The following KLHL13 variants were observed in gnomAD, a reference collection of about 807,000 sequenced individuals.
KLHL13 encodes the protein kelch-like protein 13.
KLHL13 carries 10 observed loss-of-function variants against 37.1 expected under a neutral mutation model. The observed-to-expected ratio is 0.27, with a 90% CI of 0.17 to 0.46. The LOEUF is 0.46. KLHL13 is among the 20% of genes least tolerant of loss of function. The pLI is 1.00. For missense variants in KLHL13, 360 were observed against 509.3 expected, an observed-to-expected ratio of 0.71 and a Z score of 2.82; for synonymous variants, 163 against 181.2, an observed-to-expected ratio of 0.90 and a Z score of 0.81.
intron 1 of KLHL13, among the ~76,000 whole-genome samples, chrX:117,997,595 T>C (rs2053869253): frequency 8.9e-6 from 1 of 112,374 alleles, no homozygotes; most frequent in Non-Finnish European, 1.9e-5. Flanking sequence ...TGAGAATATA[T>C]GTAAAGTACG....
intron 1 of KLHL13, among the ~76,000 whole-genome samples, chrX:118,078,015 C>G (rs1165248257): frequency 8.9e-6 from 1 of 112,135 alleles, no homozygotes; most frequent in Non-Finnish European, 1.9e-5. Flanking sequence ...GAGCAAAGCT[C>G]TTACTCTTTC....
At chrX:117,903,176 G>C (rs1356602189) in intron 5 of KLHL13, among the ~76,000 whole-genome samples, 6 of 96,595 alleles carry the variant, frequency 6.2e-5, no homozygotes, top group Non-Finnish European at 1.0e-4. Context: ...AGAGAGAGGA[G>C]AGCGAGAGAG....
chrX:117,968,396 G>A (rs1259465143), intron 1 of KLHL13, among the ~76,000 whole-genome samples: 1 of 111,391 alleles, frequency 9.0e-6, no homozygotes, highest in Non-Finnish European at 1.9e-5. Context: ...CTTTCTAAAT[G>A]ACTTTTAAGG....
At chrX:117,960,770 T>C (rs1257991658) in intron 1 of KLHL13, among the ~76,000 whole-genome samples, 5 of 112,046 alleles carry the variant, frequency 4.5e-5, no homozygotes, top group Non-Finnish European at 3.8e-5. Context: ...CTTTGAAATT[T>C]TTTTCAATGC....
At chrX:118,106,676 T>C (rs1364410204) in intron 1 of KLHL13, among the ~76,000 whole-genome samples, 5 of 111,687 alleles carry the variant, frequency 4.5e-5, no homozygotes, top group African/African-American at 1.6e-4. Flanking sequence ...ACCTGTGGCA[T>C]TTCATCACCA....
rs773248392 is a variant in KLHL13 at position 117,972,844 on chromosome X, CTACAATAACAG to C, written c.-27_-17del. The stretch of plus-strand genomic sequence containing the variant: ...TCAATGGCATGTTGTCACCACGGTA[CTACAATAACAG>C]TAAAGAGCGTTTCCATAACAGACTA... On this transcript the variant is annotated 5_prime_UTR_variant, in exon 1 of 7. Coordinates refer to ENST00000262820, the Ensembl canonical transcript of KLHL13. The C allele has an allele frequency of 9.6e-5, 116 of 1,206,955 alleles. 2 individuals are homozygous for C. The Admixed American group carries it at 1.2e-3, about 12-fold the overall frequency.
intron 1 of KLHL13, among the ~76,000 whole-genome samples, chrX:118,012,542 A>T (rs1226325613): frequency 1.8e-5 from 2 of 109,470 alleles, no homozygotes; most frequent in East Asian, 2.9e-4. Context: ...TTGTGATTGC[A>T]ATGGGCCTGC....
chrX:117,965,989 T>G (rs1371575236), intron 1 of KLHL13, among the ~76,000 whole-genome samples: 6 of 111,678 alleles, frequency 5.4e-5, no homozygotes, highest in African/African-American at 1.6e-4. Flanking sequence ...CTTTGAAAAC[T>G]GGCACAAGAC....
intron 1 of KLHL13, among the ~76,000 whole-genome samples, chrX:118,039,017 T>C (rs765797176): frequency 5.3e-5 from 6 of 112,323 alleles, no homozygotes; most frequent in African/African-American, 9.7e-5. Flanking sequence ...CAGGCCCTAG[T>C]TCCCAGATGA....
intron 1 of KLHL13, among the ~76,000 whole-genome samples, chrX:118,114,217 A>G (rs2055442627): frequency 8.9e-6 from 1 of 112,696 alleles, no homozygotes; most frequent in South Asian, 3.7e-4. Context: ...TCACTACTGC[A>G]AGTCAAATTA....
At position 118,035,502 on chromosome X, in the gene KLHL13, T is replaced by C. The variant is rs1228018280; in HGVS notation, c.-56+81006A>G. On this transcript the variant is annotated intron_variant, in intron 1 of 6. Coordinates refer to the KLHL13 transcript ENST00000371882. ...ACCAAAGACAAAAACCACATGATTA[T>C]CTCAAAAGATGCAGAAAAGGCCTTT... 2.7e-5 allele frequency among the ~76,000 whole-genome samples: 3 copies of C among 109,400 alleles called. No homozygotes were observed. In the Admixed American group the frequency reaches 2.9e-4, roughly 11 times the overall value.
chrX:118,048,234 G>C (rs1274870508), intron 1 of KLHL13, among the ~76,000 whole-genome samples: 1 of 111,681 alleles, frequency 9.0e-6, no homozygotes, highest in Non-Finnish European at 1.9e-5. Context: ...GGAGATACTA[G>C]AGCAGGTAAA....
rs747233474 is a variant in KLHL13, at chrX:117,926,999, A to G, written c.241-6629T>C. Among the ~76,000 whole-genome samples the G allele has an allele frequency of 2.3e-3, 218 of 94,589 alleles. 1 individual carries two copies. Among genetic ancestry groups the G allele is most frequent in the South Asian group, 4.2e-3 (7 of 1,661 alleles). The allele number at this position is 94,589 out of a possible 115,157, so 82.1% of individuals were successfully genotyped here. A position where few individuals can be genotyped will look rare whatever the true frequency, so the allele number is the denominator to read the frequency against. ...CGGCTCACTGCAACCTCCGCCTCCC[A>G]GGTTCACGCCCTTCTCCTGCCTCAG... On this transcript the variant is annotated intron_variant, in intron 2 of 6. Coordinates refer to ENST00000262820, the Ensembl canonical transcript of KLHL13.
intron 1 of KLHL13, among the ~76,000 whole-genome samples, chrX:118,050,395 G>A (rs1448109469): frequency 8.9e-6 from 1 of 112,161 alleles, no homozygotes; most frequent in Non-Finnish European, 1.9e-5. Flanking sequence ...ATATGGCAAA[G>A]ACTGAACTTC....
chrX:118,091,290 C>T (rs1022514780), intron 1 of KLHL13, among the ~76,000 whole-genome samples: 12 of 111,101 alleles, frequency 1.1e-4, no homozygotes, highest in African/African-American at 3.3e-5. Flanking sequence ...AAAAAAGTAT[C>T]AATAGATGTT....
At chrX:118,053,941 G>A (rs1355899458) in intron 1 of KLHL13, among the ~76,000 whole-genome samples, 1 of 99,078 alleles carries the variant, frequency 1.0e-5, no homozygotes, top group Non-Finnish European at 2.0e-5. Context: ...CACCTCTCAG[G>A]GTCCTAGTTA....
intron 1 of KLHL13, among the ~76,000 whole-genome samples, chrX:118,013,427 G>A (rs1369363225): frequency 2.7e-5 from 3 of 111,569 alleles, no homozygotes; most frequent in Non-Finnish European, 5.7e-5. Flanking sequence ...AGAATGAACA[G>A]ACAAAAACAA....
intron 1 of KLHL13, among the ~76,000 whole-genome samples, chrX:118,070,579 T>A (rs965697672): frequency 9.0e-5 from 10 of 111,125 alleles, no homozygotes; most frequent in African/African-American, 3.3e-4. Flanking sequence ...GCTGAAATAT[T>A]CTATGTATAC....
At chrX:118,096,818 C>T (rs770509751) in intron 1 of KLHL13, among the ~76,000 whole-genome samples, 254 of 110,643 alleles carry the variant, frequency 2.3e-3, no homozygotes, top group African/African-American at 7.7e-3. Flanking sequence ...ACAGAACCAA[C>T]GACAAAAACC....
Sources: gnomAD v4.1 joint callset for allele counts (sites outside exome capture counted in the v4.1 genomes callset) on GRCh38, gnomAD v4.1.1 for gene constraint, MANE v1.5 for transcripts, NCBI Gene and HGNC (gene_info 2026-07-23, HGNC 2026-07-21) for gene names.